The following MAP2K6 variants were observed in gnomAD, a reference collection of about 807,000 sequenced individuals.
MAP2K6 encodes dual specificity mitogen-activated protein kinase kinase 6.
In MAP2K6, 16 loss-of-function variants were observed where a neutral mutation model predicts 53.7. That is an observed-to-expected ratio of 0.30 (90% CI 0.20 to 0.45). The LOEUF is 0.45. Among genes scored for constraint, MAP2K6 ranks in the 20% least tolerant of loss-of-function variants. The pLI is 1.00. For missense variants in MAP2K6, 204 were observed against 411.9 expected (o/e 0.50, Z 4.37); for synonymous variants, 132 against 143.1 (o/e 0.92, Z 0.55).
At chr17:69,476,146 G>A (rs1908142693) in intron 1 of MAP2K6, among the ~76,000 whole-genome samples, 1 of 152,114 alleles carries the variant, frequency 6.6e-6, no homozygotes, top group South Asian at 2.1e-4. Flanking sequence ...ATGTATGTAT[G>A]TGTATATTTA....
intron 2 of MAP2K6, among the ~76,000 whole-genome samples, chr17:69,514,508 C>T (rs1257743325): frequency 2.0e-5 from 3 of 152,022 alleles, no homozygotes; most frequent in African/African-American, 4.8e-5. Flanking sequence ...TGAGAGAAGG[C>T]TTGCCATTAA....
chr17:69,463,010 A>G (rs1907672278), intron 1 of MAP2K6, among the ~76,000 whole-genome samples: 1 of 145,142 alleles, frequency 6.9e-6, no homozygotes, highest in African/African-American at 2.6e-5. Context: ...TCTGGCTGAT[A>G]AATCCATACG....
intron 1 of MAP2K6, among the ~76,000 whole-genome samples, chr17:69,478,120 T>G (rs1345913096): frequency 6.6e-6 from 1 of 151,816 alleles, no homozygotes; most frequent in Non-Finnish European, 1.5e-5. Flanking sequence ...TTCTTAGGAG[T>G]GGACACAGAA....
At chr17:69,519,191 T>C in intron 4 of MAP2K6, 122 bp from the exon 5 acceptor site, 1 of 1,053,202 alleles carries the variant, frequency 9.5e-7, no homozygotes. Flanking sequence ...TTTGGGTGGC[T>C]ATTCACAATG....
chr17:69,522,870 CAA>C (rs1910550821), intron 7 of MAP2K6, among the ~76,000 whole-genome samples: 1 of 114,618 alleles, frequency 8.7e-6, no homozygotes, highest in African/African-American at 3.4e-5. Context: ...GCCTGGTCAA[CAA>C]AGAGACATCC....
At chr17:69,418,226 T>C (rs964794492) in intron 1 of MAP2K6, among the ~76,000 whole-genome samples, 1 of 152,214 alleles carries the variant, frequency 6.6e-6, no homozygotes, top group Non-Finnish European at 1.5e-5. Flanking sequence ...TGCTTTGTAT[T>C]AGCATTGCAT....
intron 1 of MAP2K6, among the ~76,000 whole-genome samples, chr17:69,478,599 A>G (rs1264325500): frequency 6.6e-6 from 1 of 151,964 alleles, no homozygotes; most frequent in Admixed American, 6.6e-5. Context: ...TGCCCAGCTA[A>G]TTTTTTGTAT....
intron 1 of MAP2K6, among the ~76,000 whole-genome samples, chr17:69,423,613 T>G (rs1483343342): frequency 6.6e-6 from 1 of 152,214 alleles, no homozygotes; most frequent in Non-Finnish European, 1.5e-5. Context: ...AGAGACCTCT[T>G]GGGCCCAGCC....
chr17:69,490,703 C>A (rs563699056), intron 1 of MAP2K6, among the ~76,000 whole-genome samples: 43 of 152,120 alleles, frequency 2.8e-4, no homozygotes, highest in African/African-American at 9.4e-4. Context: ...TGGTTTAAAA[C>A]CCCTGAATTT....
intron 1 of MAP2K6, chr17:69,434,063 G>A (rs1906560835): frequency 6.6e-6 from 1 of 152,136 alleles, no homozygotes; most frequent in African/African-American, 2.4e-5. Context: ...TTAGCAACAG[G>A]TTTTTGTTAA....
At chr17:69,516,774 AT>A in intron 2 of MAP2K6, 80 bp from the exon 3 acceptor site, 1 of 955,270 alleles carries the variant, frequency 1.0e-6, no homozygotes, top group Non-Finnish European at 1.6e-6. Flanking sequence ...AGGAAAAAAT[AT>A]CCTCAGTGGT....
rs1199493322 is a variant in MAP2K6, at chr17:69,502,706, G to A, written c.17-3074G>A. The A allele has an allele frequency of 3.0e-6, 3 of 985,410 alleles. No homozygotes were observed. The African/African-American group carries it at 5.2e-5, about 17-fold the overall frequency. The allele number at this position is 985,410 out of a possible 1,614,324, so 61.0% of individuals were successfully genotyped here. A position where few individuals can be genotyped will look rare whatever the true frequency, so the allele number is the denominator to read the frequency against. On this transcript the variant is annotated intron_variant, in intron 1 of 11. Transcript: ENST00000590474. Reference sequence around the variant, plus strand: ...TCAGGGTAAGAATGATGTTGATGTGGGGGGCTGTGGGGGTGGCTGGGTGTA... The same window carrying A: ...TCAGGGTAAGAATGATGTTGATGTGAGGGGCTGTGGGGGTGGCTGGGTGTA...
In MAP2K6 at chr17:69,549,309, A is replaced by C. The variant is rs189953143; in HGVS notation, c.*7556A>C. On this transcript the variant is annotated 3_prime_UTR_variant, in exon 12 of 12. Coordinates refer to ENST00000590474, the MANE Select transcript of MAP2K6 (RefSeq NM_002758.4). ...TTTCAAGGAAGGAGGCTAATGTTTA[A>C]GGCCTGGAGGCTGAATTCAGGGAGC... is the stretch of plus-strand genomic sequence containing the variant. 2.6e-4 allele frequency: 40 copies of C among 152,308 alleles called. No homozygotes were observed. The highest frequency in any genetic ancestry group is 9.4e-4 in the African/African-American group (39 of 41,578). The allele number at this position is 152,308 out of a possible 1,614,324, so 9.4% of individuals were successfully genotyped here. A position where few individuals can be genotyped will look rare whatever the true frequency, so the allele number is the denominator to read the frequency against.
chr17:69,541,651 C>T, intron 11 of MAP2K6, 25 bp from the exon 12 acceptor site: 1 of 1,557,908 alleles, frequency 6.4e-7, no homozygotes, highest in Non-Finnish European at 8.8e-7. Flanking sequence ...ACATTAATAC[C>T]ATGTTTTTTC....
chr17:69,422,948 A>G (rs1173920846), intron 1 of MAP2K6, among the ~76,000 whole-genome samples: 1 of 152,134 alleles, frequency 6.6e-6, no homozygotes, highest in Non-Finnish European at 1.5e-5. Context: ...CAATGGCGCG[A>G]TCTTGGCTCA....
At chr17:69,520,784 T>C in intron 6 of MAP2K6, 2 of 417,796 alleles carry the variant, frequency 4.8e-6, no homozygotes. Context: ...CTATTCAGGC[T>C]CAGGAGGGTG....
At chr17:69,449,238 T>G (rs1907085541) in intron 1 of MAP2K6, among the ~76,000 whole-genome samples, 1 of 152,122 alleles carries the variant, frequency 6.6e-6, no homozygotes, top group Non-Finnish European at 1.5e-5. Flanking sequence ...ATAGAGTTAA[T>G]ACTAGTATTA....
intron 1 of MAP2K6, among the ~76,000 whole-genome samples, chr17:69,460,109 G>A (rs539258461): frequency 6.6e-6 from 1 of 151,888 alleles, no homozygotes; most frequent in Non-Finnish European, 1.5e-5. Flanking sequence ...AGCACATTAG[G>A]CTCTGGGGAT....
At chr17:69,505,059 C>T (rs1411534835) in intron 1 of MAP2K6, among the ~76,000 whole-genome samples, 1 of 150,662 alleles carries the variant, frequency 6.6e-6, no homozygotes, top group Admixed American at 6.6e-5. Context: ...TAAGGGTGAC[C>T]ACCCTTTACT....
Sources: allele counts gnomAD v4.1 joint callset (sites outside exome capture counted in the v4.1 genomes callset), GRCh38; gene constraint gnomAD v4.1.1; transcripts MANE v1.5; gene names NCBI Gene and HGNC (gene_info 2026-07-23, HGNC 2026-07-21).